TUNAR: variants seen among roughly 807,000 people sequenced by gnomAD.
The protein encoded by TUNAR is transmembrane neural differentiation associated intracellular calcium regulator, also known as protein TUNAR.
chr14:95,890,804 T>G (rs910240927), intron 2 of TUNAR, among the ~76,000 whole-genome samples: 2 of 152,194 alleles, frequency 1.3e-5, no homozygotes, highest in Non-Finnish European at 2.9e-5. Context: ...TATTTTAAAT[T>G]TGTTCATTAA....
exon 3 of TUNAR, chr14:95,923,638 C>T (rs1248067841): frequency 1.3e-5 from 2 of 152,170 alleles, no homozygotes; most frequent in African/African-American, 2.4e-5. Context: ...TGCTTTGTCC[C>T]CTCCTCCCCC....
intron 2 of TUNAR, among the ~76,000 whole-genome samples, chr14:95,884,771 T>C (rs552915060): frequency 3.3e-5 from 5 of 152,326 alleles, no homozygotes; most frequent in Admixed American, 1.3e-4. Flanking sequence ...ACCTGCTACG[T>C]CCAAACACTG....
chr14:95,889,972 A>C (rs1158906931), intron 2 of TUNAR, among the ~76,000 whole-genome samples: 1 of 152,038 alleles, frequency 6.6e-6, no homozygotes, highest in Non-Finnish European at 1.5e-5. Flanking sequence ...AAAAAAAAAA[A>C]AAAAACTGAC....
chr14:95,923,264 G>A (rs575472991), exon 3 of TUNAR: 15 of 269,618 alleles, frequency 5.6e-5, no homozygotes, highest in African/African-American at 1.1e-4. Flanking sequence ...ATCAGTGAGC[G>A]GATGGGTGCA....
chr14:95,909,889 G>A (rs1014197196), intron 2 of TUNAR, among the ~76,000 whole-genome samples: 2 of 152,176 alleles, frequency 1.3e-5, no homozygotes, highest in South Asian at 2.1e-4. Flanking sequence ...CAATGGAATC[G>A]AGCTTCAAAG....
chr14:95,923,222 G>A, exon 3 of TUNAR: 1 of 332,734 alleles, frequency 3.0e-6, no homozygotes, highest in Non-Finnish European at 5.4e-6. Context: ...AGGGGGCCCA[G>A]AAGAATGCTT....
chr14:95,916,742 G>A (rs907720444), intron 2 of TUNAR, among the ~76,000 whole-genome samples: 3 of 152,228 alleles, frequency 2.0e-5, no homozygotes, highest in Non-Finnish European at 4.4e-5. Context: ...TCCTGCCATA[G>A]GTATCTGAGA....
At chr14:95,893,478 G>A (rs1026507130) in intron 2 of TUNAR, among the ~76,000 whole-genome samples, 5 of 152,178 alleles carry the variant, frequency 3.3e-5, no homozygotes, top group Admixed American at 2.6e-4. Flanking sequence ...AAGGGGTTGG[G>A]TCTGTTCTCA....
intron 2 of TUNAR, among the ~76,000 whole-genome samples, chr14:95,916,356 T>A (rs1889604465): frequency 6.6e-6 from 1 of 152,240 alleles, no homozygotes; most frequent in South Asian, 2.1e-4. Context: ...TTTCTGAACT[T>A]CCCACATAAG....
At chr14:95,880,283 AT>A (rs1888960017) in intron 2 of TUNAR, among the ~76,000 whole-genome samples, 1 of 152,168 alleles carries the variant, frequency 6.6e-6, no homozygotes, top group Non-Finnish European at 1.5e-5. Flanking sequence ...CCAATTAGAC[AT>A]TCCTATAAAC....
chr14:95,920,674 T>C (rs1431873351), intron 2 of TUNAR, among the ~76,000 whole-genome samples: 2 of 152,188 alleles, frequency 1.3e-5, no homozygotes, highest in Non-Finnish European at 2.9e-5. Context: ...AGAGCCGCTC[T>C]GTAAGGTGCG....
chr14:95,916,418 G>T (rs952013390), intron 2 of TUNAR, among the ~76,000 whole-genome samples: 1 of 152,164 alleles, frequency 6.6e-6, no homozygotes, highest in Admixed American at 6.5e-5. Flanking sequence ...ACTCGATATT[G>T]TATTTGCAAT....
At chr14:95,888,545 G>A (rs1423984129) in intron 2 of TUNAR, among the ~76,000 whole-genome samples, 2 of 152,110 alleles carry the variant, frequency 1.3e-5, no homozygotes, top group Admixed American at 1.3e-4. Context: ...GAGTGAGAAG[G>A]GGTGCACAGC....
intron 2 of TUNAR, among the ~76,000 whole-genome samples, chr14:95,879,473 T>A (rs1277737337): frequency 6.6e-6 from 1 of 152,232 alleles, no homozygotes; most frequent in African/African-American, 2.4e-5. Flanking sequence ...AGAAACAATC[T>A]TCATTAAGTT....
intron 2 of TUNAR, among the ~76,000 whole-genome samples, chr14:95,903,721 G>A (rs145682082): frequency 1.1e-4 from 16 of 152,346 alleles, no homozygotes; most frequent in African/African-American, 3.8e-4. Context: ...TCTGTGGGTT[G>A]ACTGGACTCA....
chr14:95,913,668 G>A (rs1321460915), intron 2 of TUNAR, among the ~76,000 whole-genome samples: 3 of 152,144 alleles, frequency 2.0e-5, no homozygotes, highest in Non-Finnish European at 4.4e-5. Flanking sequence ...CCAGCATCTT[G>A]GATATCGCTC....
intron 2 of TUNAR, among the ~76,000 whole-genome samples, chr14:95,907,247 G>A (rs1244813535): frequency 6.6e-6 from 1 of 152,172 alleles, no homozygotes; most frequent in African/African-American, 2.4e-5. Flanking sequence ...TACAAATGAG[G>A]CTGCAGTGGA....
intron 2 of TUNAR, among the ~76,000 whole-genome samples, chr14:95,892,123 T>C (rs905258753): frequency 7.2e-5 from 11 of 152,222 alleles, no homozygotes; most frequent in Admixed American, 6.5e-4. Context: ...AGCATATCTT[T>C]TGGGGGGACA....
chr14:95,882,945 G>T (rs1026391899), intron 2 of TUNAR, among the ~76,000 whole-genome samples: 1 of 152,192 alleles, frequency 6.6e-6, no homozygotes, highest in Non-Finnish European at 1.5e-5. Context: ...AGTTTAAAAT[G>T]ATTTATGAAT....
Sources: gnomAD v4.1 joint callset for allele counts (sites outside exome capture counted in the v4.1 genomes callset) on GRCh38, gnomAD v4.1.1 for gene constraint, MANE v1.5 for transcripts, NCBI Gene and HGNC (gene_info 2026-07-23, HGNC 2026-07-21) for gene names.